PITPNC1: variants seen among roughly 807,000 people sequenced by gnomAD.
PITPNC1 encodes cytoplasmic phosphatidylinositol transfer protein 1.
A neutral mutation model predicts 44.7 loss-of-function variants in PITPNC1; 18 were observed. That is an observed-to-expected ratio of 0.40 (90% confidence interval 0.28 to 0.60). The LOEUF (loss-of-function observed/expected upper bound fraction) is 0.60. Among genes scored for constraint, PITPNC1 ranks in the 20% least tolerant of loss-of-function variants. PITPNC1 has a pLI of 0.39. For missense variants in PITPNC1, 290 were observed against 418.4 expected, an observed-to-expected ratio of 0.69 and a Z score of 2.68; for synonymous variants, 141 against 149.6, an observed-to-expected ratio of 0.94 and a Z score of 0.42.
At chr17:67,633,646 A>G (rs1253432160) in intron 6 of PITPNC1, among the ~76,000 whole-genome samples, 1 of 152,202 alleles carries the variant, frequency 6.6e-6, no homozygotes, top group Non-Finnish European at 1.5e-5. Flanking sequence ...GTAACTGTGG[A>G]CCCGCCGAAG....
chr17:67,477,340 G>A (rs578073795), intron 1 of PITPNC1, among the ~76,000 whole-genome samples: 6 of 149,710 alleles, frequency 4.0e-5, no homozygotes, highest in East Asian at 2.0e-4. Flanking sequence ...TCTGCCTCCC[G>A]GGTTCAAGCG....
intron 1 of PITPNC1, among the ~76,000 whole-genome samples, chr17:67,479,536 T>C (rs1338927782): frequency 6.6e-6 from 1 of 152,222 alleles, no homozygotes; most frequent in Non-Finnish European, 1.5e-5. Context: ...TCCTGACACT[T>C]ATTCTTGTGA....
chr17:67,461,538 G>A (rs921419097), intron 1 of PITPNC1, among the ~76,000 whole-genome samples: 1 of 152,218 alleles, frequency 6.6e-6, no homozygotes, highest in Non-Finnish European at 1.5e-5. Context: ...GGGTGATGAA[G>A]TTTTTCCAGC....
chr17:67,548,899 T>C (rs2040720315), intron 2 of PITPNC1, among the ~76,000 whole-genome samples: 1 of 152,292 alleles, frequency 6.6e-6, no homozygotes, highest in South Asian at 2.1e-4. Flanking sequence ...GTATACATCA[T>C]GAAAGTGACA....
intron 6 of PITPNC1, among the ~76,000 whole-genome samples, chr17:67,644,564 A>G (rs1009732193): frequency 1.3e-5 from 2 of 150,980 alleles, no homozygotes; most frequent in African/African-American, 4.9e-5. Context: ...CCTCCTGAGT[A>G]GCTGGGACTA....
intron 4 of PITPNC1, among the ~76,000 whole-genome samples, chr17:67,556,270 G>A (rs1598816519): frequency 6.6e-6 from 1 of 152,336 alleles, no homozygotes; most frequent in East Asian, 1.9e-4. Context: ...AGGAAGAAAA[G>A]TACACAGCAC....
At chr17:67,461,633 CT>C (rs1367033464) in intron 1 of PITPNC1, among the ~76,000 whole-genome samples, 1 of 152,140 alleles carries the variant, frequency 6.6e-6, no homozygotes, top group African/African-American at 2.4e-5. Context: ...CTTAAAGAAT[CT>C]TAGAACTGTA....
chr17:67,673,284 A>G (rs561494244), intron 7 of PITPNC1, among the ~76,000 whole-genome samples: 1 of 152,332 alleles, frequency 6.6e-6, no homozygotes, highest in South Asian at 2.1e-4. Context: ...GTTTGGCAGG[A>G]AGAAAGGAAT....
chr17:67,386,440 G>C (rs984751348), intron 1 of PITPNC1, among the ~76,000 whole-genome samples: 4 of 152,150 alleles, frequency 2.6e-5, no homozygotes, highest in African/African-American at 4.8e-5. Context: ...TGATCCACCC[G>C]CCTCGGCCTC....
chr17:67,644,347 C>A (rs1262379514), intron 6 of PITPNC1, among the ~76,000 whole-genome samples: 1 of 151,888 alleles, frequency 6.6e-6, no homozygotes, highest in African/African-American at 2.4e-5. Flanking sequence ...AGCTGAAGGG[C>A]CCAAGGCTCT....
chr17:67,565,472 A>G (rs1382055735), intron 4 of PITPNC1, among the ~76,000 whole-genome samples: 1 of 145,938 alleles, frequency 6.9e-6, no homozygotes, highest in Non-Finnish European at 1.5e-5. Context: ...TGGTGTGTAT[A>G]TTAGTTTTCC....
intron 1 of PITPNC1, among the ~76,000 whole-genome samples, chr17:67,518,021 A>G (rs985387867): frequency 2.6e-5 from 4 of 152,232 alleles, no homozygotes; most frequent in Non-Finnish European, 5.9e-5. Flanking sequence ...TGAAAAATGC[A>G]AATGGTCAAG....
intron 1 of PITPNC1, among the ~76,000 whole-genome samples, chr17:67,436,932 T>C (rs1188225719): frequency 7.2e-6 from 1 of 139,356 alleles, no homozygotes; most frequent in Non-Finnish European, 1.6e-5. Flanking sequence ...TTTTTTTTTT[T>C]TTTTGAGACA....
At chr17:67,578,706 G>A (rs968362114) in intron 5 of PITPNC1, among the ~76,000 whole-genome samples, 1 of 152,248 alleles carries the variant, frequency 6.6e-6, no homozygotes, top group African/African-American at 2.4e-5. Context: ...TACAGGCCTG[G>A]TGCAGTGGCT....
intron 1 of PITPNC1, among the ~76,000 whole-genome samples, chr17:67,494,197 C>CTTTCTTTCTTTCTTTCTTTCTTTT (rs2039906750): frequency 7.0e-6 from 1 of 142,072 alleles, no homozygotes; most frequent in African/African-American, 2.7e-5. Context: ...TTCTTTCTTT[C>CTTTCTTTCTTTCTTTCTTTCTTTT]TTTCTTTCTT....
intron 8 of PITPNC1, chr17:67,687,060 TTTC>T: frequency 6.4e-7 from 1 of 1,557,518 alleles, no homozygotes; most frequent in South Asian, 1.1e-5. Context: ...TCTTGACCTC[TTTC>T]AGATATGACA....
chr17:67,575,791 TTTCCTTC>T (rs2041134288), intron 4 of PITPNC1, among the ~76,000 whole-genome samples: 1 of 21,264 alleles, frequency 4.7e-5, no homozygotes, highest in African/African-American at 1.2e-4. Flanking sequence ...CTTTTCTTTC[TTTCCTTC>T]TTTCTTTCTT....
chr17:67,470,719 A>C (rs963593116), intron 1 of PITPNC1, among the ~76,000 whole-genome samples: 4 of 152,180 alleles, frequency 2.6e-5, no homozygotes, highest in African/African-American at 9.7e-5. Flanking sequence ...CAGCTCATTG[A>C]GAACAGGCCA....
intron 1 of PITPNC1, among the ~76,000 whole-genome samples, chr17:67,386,056 C>G (rs1241368450): frequency 6.6e-6 from 1 of 152,116 alleles, no homozygotes; most frequent in African/African-American, 2.4e-5. Flanking sequence ...TCTTGAAAGT[C>G]AATTTAGAAA....
Sources: allele counts gnomAD v4.1 joint callset (sites outside exome capture counted in the v4.1 genomes callset), GRCh38; gene constraint gnomAD v4.1.1; transcripts MANE v1.5; gene names NCBI Gene and HGNC (gene_info 2026-07-23, HGNC 2026-07-21).